The following KCNJ15 variants were observed in gnomAD, a reference collection of about 807,000 sequenced individuals.
KCNJ15 encodes ATP-sensitive inward rectifier potassium channel 15.
Under a neutral mutation model 23.0 loss-of-function variants are expected in KCNJ15, and 14 were observed. The observed-to-expected ratio is 0.61, with a 90% confidence interval of 0.40 to 0.95. The LOEUF is 0.95. KCNJ15 is among the 40% of genes least tolerant of loss of function. The probability of loss-of-function intolerance (pLI) is 0.00; values close to 1 mark genes in which losing one functional copy is unlikely to be tolerated. For synonymous variants in KCNJ15, 185 were observed against 183.2 expected (o/e 1.01, Z -0.08); for missense variants, 388 against 461.8 (o/e 0.84, Z 1.46).
chr21:38,291,578 T>G (rs1482546715), intron 1 of KCNJ15: 1 of 152,246 alleles, frequency 6.6e-6, no homozygotes, highest in African/African-American at 2.4e-5. Context: ...TCTAATTTCT[T>G]GGCTTATTCA....
chr21:38,284,366 C>T (rs1007683355), intron 1 of KCNJ15, among the ~76,000 whole-genome samples: 6 of 152,306 alleles, frequency 3.9e-5, no homozygotes, highest in South Asian at 2.1e-4. Flanking sequence ...CTGGAGTCAT[C>T]GGTGAGACCT....
Position 38,297,035 on chromosome 21 carries a change from T to G in KCNJ15, c.-19+12T>G, listed in dbSNP as rs1479031669. 1 of 152,558 alleles carries G rather than the reference T, an allele frequency of 6.6e-6. No individual in the cohort carries two copies. Among genetic ancestry groups the G allele is most frequent in the African/African-American group, 2.4e-5 (1 of 41,332 alleles). 9.5% of individuals were successfully genotyped at this position (152,558 alleles called of 1,614,324 possible). A position where few individuals can be genotyped will look rare whatever the true frequency, so the allele number is the denominator to read the frequency against. The stretch of plus-strand genomic sequence containing the variant: ...GAGTGAGTGACCAGGTAGTAGACGG[T>G]TCTGAGGGCATCACACACTTGAGGG... On this transcript the variant is annotated intron_variant, in intron 2 of 2. Transcript: ENST00000398938.
At chr21:38,265,307 G>A (rs377136322) in intron 1 of KCNJ15, among the ~76,000 whole-genome samples, 1 of 152,168 alleles carries the variant, frequency 6.6e-6, no homozygotes, top group East Asian at 1.9e-4. Flanking sequence ...ATTGCAGCTG[G>A]GAGCAGCCTA....
At chr21:38,256,360 T>TTATATATATATATATATATATATATA (rs56679003), upstream of KCNJ15, among the ~76,000 whole-genome samples, 358 of 105,946 alleles carry the variant, frequency 3.4e-3, 5 homozygotes, top group Middle Eastern at 0.018. Flanking sequence ...TCTATTCAGC[T>TTATATATATATATATATATATATATA]TATATATATA....
intron 1 of KCNJ15, among the ~76,000 whole-genome samples, chr21:38,276,191 T>C (rs1262882845): frequency 6.6e-6 from 1 of 151,966 alleles, no homozygotes; most frequent in Non-Finnish European, 1.5e-5. Flanking sequence ...TCAAATGGTA[T>C]ACTTTCGAGG....
chr21:38,239,549 G>A (rs1013225781), intron 1 of KCNJ15, among the ~76,000 whole-genome samples: 1 of 152,114 alleles, frequency 6.6e-6, no homozygotes, highest in African/African-American at 2.4e-5. Context: ...AGGCCGAAAA[G>A]GTACTTAATT....
chr21:38,248,652 G>T (rs1601139757), intron 1 of KCNJ15, among the ~76,000 whole-genome samples: 2 of 152,208 alleles, frequency 1.3e-5, no homozygotes, highest in Admixed American at 1.3e-4. Context: ...AGGAACTGGA[G>T]TGCACGGCTT....
intron 1 of KCNJ15, among the ~76,000 whole-genome samples, chr21:38,242,854 G>A (rs886978150): frequency 6.6e-6 from 1 of 152,154 alleles, no homozygotes; most frequent in Non-Finnish European, 1.5e-5. Context: ...GCTCGTCTGG[G>A]TAGGAAGTCT....
chr21:38,282,936 G>A (rs978419982), intron 1 of KCNJ15, among the ~76,000 whole-genome samples: 1 of 152,152 alleles, frequency 6.6e-6, no homozygotes, highest in Admixed American at 6.5e-5. Context: ...GCGGGGCCTC[G>A]AGGGATGCGT....
At chr21:38,275,020 A>G (rs1384114341) in intron 1 of KCNJ15, among the ~76,000 whole-genome samples, 2 of 151,944 alleles carry the variant, frequency 1.3e-5, no homozygotes, top group African/African-American at 2.4e-5. Context: ...CAACACCACC[A>G]TGTCACCTCA....
At chr21:38,284,595 C>T (rs1290975622) in intron 1 of KCNJ15, among the ~76,000 whole-genome samples, 1 of 152,224 alleles carries the variant, frequency 6.6e-6, no homozygotes, top group Non-Finnish European at 1.5e-5. Context: ...CCCTATGCTG[C>T]GTTTAACATG....
chr21:38,230,024 G>T (rs1988688629), intron 1 of KCNJ15, among the ~76,000 whole-genome samples: 1 of 152,130 alleles, frequency 6.6e-6, no homozygotes, highest in Non-Finnish European at 1.5e-5. Context: ...TTATGTGGAG[G>T]TATGTTTTTA....
At position 38,299,104 on chromosome 21, in the gene KCNJ15, A is replaced by G. The variant is rs969540960; in HGVS notation, c.-18-140A>G. ...TCTACCCTACCGACCACCTAAGTAT[A>G]GATCAGTTAATCTTGCCTTCAGAAT... On this transcript the variant is annotated intron_variant, in intron 2 of 2. Transcript: ENST00000398938. The surrounding 1 kb of genome is among the most constrained non-coding windows in gnomAD (Gnocchi z 4.5). The G allele has an allele frequency of 1.2e-5, 8 of 689,746 alleles. No individual in the cohort carries two copies. The highest frequency in any genetic ancestry group is 4.1e-4 in the Middle Eastern group (1 of 2,440). 42.7% of individuals were successfully genotyped at this position (689,746 alleles called of 1,614,324 possible). A position where few individuals can be genotyped will look rare whatever the true frequency, so the allele number is the denominator to read the frequency against.
chr21:38,233,402 CTG>C (rs1978400538), intron 1 of KCNJ15, among the ~76,000 whole-genome samples: 1 of 152,076 alleles, frequency 6.6e-6, no homozygotes, highest in Non-Finnish European at 1.5e-5. Flanking sequence ...TTTGATTTGA[CTG>C]TTTAATCCAT....
Position 38,306,621 on chromosome 21 carries a change from C to A in KCNJ15, c.*6232C>A, listed in dbSNP as rs1481752067. 2.6e-5 allele frequency: 4 copies of A among 152,150 alleles called. No homozygotes were observed. The highest frequency in any genetic ancestry group is 9.7e-5 in the African/African-American group (4 of 41,416). The allele number at this position is 152,150 out of a possible 1,614,324, so 9.4% of individuals were successfully genotyped here. On this transcript the variant is annotated 3_prime_UTR_variant, in exon 3 of 3. Transcript: ENST00000398938. ...ATCATTACAGGAAGTATGACTGTAT[C>A]AGCGGCTTTTTACAAAAACAAACCT...
chr21:38,267,734 C>T (rs1981612548), intron 1 of KCNJ15, among the ~76,000 whole-genome samples: 1 of 152,210 alleles, frequency 6.6e-6, no homozygotes, highest in Admixed American at 6.5e-5. Context: ...GAGAGATTAT[C>T]ATTTGGCTGG....
chr21:38,256,918 C>CTCCCTCCCTCCCTCCT (rs1980300595), upstream of KCNJ15: 1 of 150,120 alleles, frequency 6.7e-6, no homozygotes. Context: ...TCCTCCCTCC[C>CTCCCTCCCTCCCTCCT]TCCCTCCCTC....
At chr21:38,260,067 C>G (rs1980719234) in intron 1 of KCNJ15, among the ~76,000 whole-genome samples, 1 of 152,142 alleles carries the variant, frequency 6.6e-6, no homozygotes, top group African/African-American at 2.4e-5. Flanking sequence ...TTAGGAAATG[C>G]AACTTCTTTC....
At chr21:38,290,982 C>T (rs1206687020) in intron 1 of KCNJ15, among the ~76,000 whole-genome samples, 1 of 53,104 alleles carries the variant, frequency 1.9e-5, no homozygotes, top group Non-Finnish European at 3.6e-5. Context: ...TCTCAAATGT[C>T]ATAAAAAGGC....
Sources: allele counts gnomAD v4.1 joint callset (sites outside exome capture counted in the v4.1 genomes callset), GRCh38; gene constraint gnomAD v4.1.1; non-coding constraint Gnocchi (gnomAD v3.1); transcripts MANE v1.5; gene names NCBI Gene and HGNC (gene_info 2026-07-23, HGNC 2026-07-21).